ZNF385D: variants seen among roughly 807,000 people sequenced by gnomAD.
The protein encoded by ZNF385D is zinc finger protein 659.
In ZNF385D, 15 loss-of-function variants were observed where a neutral mutation model predicts 35.8. The ratio of observed to expected loss-of-function variants is 0.42; its 90% CI spans 0.28 to 0.64. ZNF385D has a LOEUF of 0.64. Ranked by LOEUF, ZNF385D falls within the 30% of genes least tolerant of loss-of-function variation. The pLI is 0.23. For synonymous variants in ZNF385D, 212 were observed against 186.8 expected (o/e 1.13, Z -1.10); for missense variants, 474 against 494.6 (o/e 0.96, Z 0.39).
upstream of ZNF385D, among the ~76,000 whole-genome samples, chr3:21,752,042 G>T (rs1318643481): frequency 9.1e-6 from 1 of 110,076 alleles, no homozygotes; most frequent in East Asian, 2.9e-4. Context: ...CACACACAAC[G>T]CTCTCATTAA....
At chr3:21,974,299 AG>A (rs1446905456) in intron 3 of ZNF385D, among the ~76,000 whole-genome samples, 3 of 152,128 alleles carry the variant, frequency 2.0e-5, no homozygotes, top group Admixed American at 2.0e-4. Context: ...TTTTCAACAA[AG>A]GTACCAAGAA....
chr3:21,703,784 T>C (rs2125391126), intron 1 of ZNF385D, among the ~76,000 whole-genome samples: 1 of 152,244 alleles, frequency 6.6e-6, no homozygotes, highest in Admixed American at 6.5e-5. Flanking sequence ...ATTTGTAGCA[T>C]CTTCTCTTCT....
chr3:22,018,260 G>T (rs1846162), intron 3 of ZNF385D, among the ~76,000 whole-genome samples: 1 of 150,972 alleles, frequency 6.6e-6, no homozygotes, highest in Admixed American at 6.6e-5. Context: ...AGAATTTTTC[G>T]AAAATAACTT....
At chr3:21,565,298 T>G (rs1683284035) in intron 2 of ZNF385D, among the ~76,000 whole-genome samples, 1 of 152,114 alleles carries the variant, frequency 6.6e-6, no homozygotes, top group Admixed American at 6.6e-5. Flanking sequence ...TGGGGCCAGA[T>G]ACCAGTTATC....
At chr3:22,089,787 G>T (rs920102516) in intron 3 of ZNF385D, among the ~76,000 whole-genome samples, 1 of 152,004 alleles carries the variant, frequency 6.6e-6, no homozygotes, top group African/African-American at 2.4e-5. Context: ...TCTTTATTAT[G>T]ACTAACAAAT....
chr3:21,723,761 C>T (rs1193531165), intron 1 of ZNF385D, among the ~76,000 whole-genome samples: 3 of 152,118 alleles, frequency 2.0e-5, no homozygotes, highest in East Asian at 3.9e-4. Flanking sequence ...CTCAACCTAG[C>T]AAGGCAGGCC....
chr3:21,907,421 A>G (rs1699737517), intron 3 of ZNF385D, among the ~76,000 whole-genome samples: 1 of 152,116 alleles, frequency 6.6e-6, no homozygotes, highest in African/African-American at 2.4e-5. Context: ...TTTTCATATC[A>G]ATATAGTTTT....
At chr3:21,512,194 A>G (rs150723804) in intron 3 of ZNF385D, among the ~76,000 whole-genome samples, 536 of 151,054 alleles carry the variant, frequency 3.5e-3, no homozygotes, top group African/African-American at 0.013. Flanking sequence ...AGTCATATTT[A>G]AATAAATGTA....
intron 3 of ZNF385D, among the ~76,000 whole-genome samples, chr3:22,085,789 A>C (rs1180160041): frequency 6.6e-6 from 1 of 152,186 alleles, no homozygotes; most frequent in Non-Finnish European, 1.5e-5. Flanking sequence ...GATGAACATC[A>C]ATGCAAAAAT....
At chr3:21,534,040 G>A (rs1053348561) in intron 3 of ZNF385D, among the ~76,000 whole-genome samples, 1 of 151,894 alleles carries the variant, frequency 6.6e-6, no homozygotes, top group African/African-American at 2.4e-5. Context: ...CTGCTGCTTT[G>A]CTTACAATAC....
intron 2 of ZNF385D, among the ~76,000 whole-genome samples, chr3:22,275,539 C>A (rs1701383611): frequency 6.6e-6 from 1 of 152,056 alleles, no homozygotes; most frequent in African/African-American, 2.4e-5. Flanking sequence ...TCTACTAATC[C>A]TGGAGTCATA....
chr3:21,668,622 C>A (rs566257095), intron 1 of ZNF385D, among the ~76,000 whole-genome samples: 1 of 152,262 alleles, frequency 6.6e-6, no homozygotes, highest in Non-Finnish European at 1.5e-5. Context: ...GGCACGAAAT[C>A]GAAGCTACTT....
intron 3 of ZNF385D, among the ~76,000 whole-genome samples, chr3:22,118,628 G>C (rs1702930833): frequency 6.6e-6 from 1 of 152,022 alleles, no homozygotes; most frequent in South Asian, 2.1e-4. Flanking sequence ...TAAGAGGTTA[G>C]GGAAATTCAT....
intron 3 of ZNF385D, among the ~76,000 whole-genome samples, chr3:21,898,121 C>G (rs979236074): frequency 1.3e-5 from 2 of 152,084 alleles, no homozygotes; most frequent in Non-Finnish European, 2.9e-5. Context: ...CTTTCCATCC[C>G]TCTAGCATTT....
chr3:22,319,282 C>A lies in ZNF385D; in HGVS notation c.106+53168G>T, dbSNP rs143792009. Among the ~76,000 whole-genome samples, 1,333 of 151,846 alleles carry A rather than the reference C, an allele frequency of 8.8e-3. 16 individuals are homozygous for A. Among genetic ancestry groups the A allele is most frequent in the African/African-American group, 0.03 (1,239 of 41,442 alleles). On this transcript the variant is annotated intron_variant, in intron 2 of 5. Coordinates refer to the ZNF385D transcript ENST00000494108. The stretch of plus-strand genomic sequence containing the variant: ...TGAAGTATTAGTTAATTCAAGAACT[C>A]CTCTGAATGGATAGTGATGTTTTAA...
At chr3:22,161,075 CATA>C (rs764717684) in intron 3 of ZNF385D, among the ~76,000 whole-genome samples, 1 of 151,992 alleles carries the variant, frequency 6.6e-6, no homozygotes, top group Non-Finnish European at 1.5e-5. Context: ...TTCTATACCT[CATA>C]ATGTTAAAGC....
At chr3:21,450,458 G>C (rs1425099840) in intron 4 of ZNF385D, among the ~76,000 whole-genome samples, 1 of 152,130 alleles carries the variant, frequency 6.6e-6, no homozygotes, top group Non-Finnish European at 1.5e-5. Flanking sequence ...CCCTAATTGA[G>C]GACATTTCCA....
intron 3 of ZNF385D, among the ~76,000 whole-genome samples, chr3:21,877,280 C>T (rs934492707): frequency 6.6e-6 from 1 of 151,996 alleles, no homozygotes. Context: ...AAACACTGTA[C>T]CCAAACATCG....
At chr3:21,924,709 T>C (rs1700638483) in intron 3 of ZNF385D, among the ~76,000 whole-genome samples, 1 of 152,096 alleles carries the variant, frequency 6.6e-6, no homozygotes, top group Non-Finnish European at 1.5e-5. Context: ...ATAGTGTTAG[T>C]GGAGACAAGT....
Sources: allele counts gnomAD v4.1 joint callset (sites outside exome capture counted in the v4.1 genomes callset), GRCh38; gene constraint gnomAD v4.1.1; transcripts MANE v1.5; gene names NCBI Gene and HGNC (gene_info 2026-07-23, HGNC 2026-07-21).